Variants in PTPMT1 observed in about 807,000 individuals in gnomAD.
PTPMT1 encodes phosphatidylglycerophosphatase and protein-tyrosine phosphatase 1.
A neutral mutation model predicts 17.8 loss-of-function variants in PTPMT1; 12 were observed. That is an observed-to-expected ratio of 0.67 (90% CI 0.43 to 1.09). The LOEUF (loss-of-function observed/expected upper bound fraction) is 1.09. PTPMT1 is among the 50% of genes least tolerant of loss of function. The pLI is 0.00. For missense variants in PTPMT1, 262 were observed against 266.0 expected (o/e 0.99, Z 0.10); for synonymous variants, 132 against 116.8 (o/e 1.13, Z -0.84).
Position 47,565,607 on chromosome 11 carries a change from G to C in PTPMT1, c.-16G>C. The C allele has an allele frequency of 7.8e-7, 1 of 1,288,228 alleles. No individual in the cohort carries two copies. Among genetic ancestry groups the C allele is most frequent in the Non-Finnish European group, 9.8e-7 (1 of 1,020,394 alleles). The allele number at this position is 1,288,228 out of a possible 1,614,324, so 79.8% of individuals were successfully genotyped here. ...CGAGCGCGGGGGCCGACGGGTCGCCGCTGCGCCGGGCCGGGATGGCGGCCA... is the reference window on the plus strand; with the variant it reads ...CGAGCGCGGGGGCCGACGGGTCGCCCCTGCGCCGGGCCGGGATGGCGGCCA... On this transcript the variant is annotated 5_prime_UTR_variant, in exon 1 of 4. Coordinates refer to ENST00000326674, the MANE Select transcript of PTPMT1 (RefSeq NM_175732.3).
intron 3 of PTPMT1, among the ~76,000 whole-genome samples, chr11:47,570,894 A>G (rs1430113704): frequency 6.6e-6 from 1 of 152,170 alleles, no homozygotes; most frequent in Non-Finnish European, 1.5e-5. Context: ...AATTTTGGTC[A>G]TAAGGGCTCT....
chr11:47,570,656 T>G (rs1334966724), intron 3 of PTPMT1, among the ~76,000 whole-genome samples: 1 of 152,206 alleles, frequency 6.6e-6, no homozygotes, highest in Non-Finnish European at 1.5e-5. Flanking sequence ...GGATATTAGT[T>G]TCTGGAAACA....
chr11:47,565,811 G>A lies in PTPMT1; in HGVS notation c.174+15G>A, dbSNP rs1376290074. On this transcript the variant is annotated intron_variant, in intron 1 of 3. Coordinates refer to ENST00000326674, the MANE Select transcript of PTPMT1 (RefSeq NM_175732.3). ...TGACGCGCCAGGTGAGCCGGGCCGG[G>A]GAGCCCGGGCCCCTGCCCCGTCCCC... 3 of 1,586,300 alleles carry A rather than the reference G, an allele frequency of 1.9e-6. No homozygotes were observed. The highest frequency in any genetic ancestry group is 2.6e-6 in the Non-Finnish European group (3 of 1,167,422).
intron 3 of PTPMT1, among the ~76,000 whole-genome samples, chr11:47,570,444 T>C (rs960434878): frequency 1.3e-5 from 2 of 152,232 alleles, no homozygotes; most frequent in Non-Finnish European, 2.9e-5. Context: ...AAATGTATTA[T>C]GAAGTTTAAA....
chr11:47,570,132 G>A (rs1243947086), intron 3 of PTPMT1, among the ~76,000 whole-genome samples: 1 of 148,472 alleles, frequency 6.7e-6, no homozygotes. Context: ...AGGCTGCAGT[G>A]AGCCGTGATT....
At chr11:47,566,094 C>A in intron 2 of PTPMT1, 108 bp downstream of exon 2, 1 of 1,263,680 alleles carries the variant, frequency 7.9e-7, no homozygotes, top group Non-Finnish European at 1.1e-6. Flanking sequence ...TGCACCGGAG[C>A]CAGGTGTCTC....
chr11:47,568,703 A>T (rs2097247743), intron 2 of PTPMT1, among the ~76,000 whole-genome samples: 1 of 151,908 alleles, frequency 6.6e-6, no homozygotes, highest in African/African-American at 2.4e-5. Context: ...ATATATATAT[A>T]TTTTTGAGAT....
intron 2 of PTPMT1, among the ~76,000 whole-genome samples, chr11:47,567,982 C>G (rs1033128336): frequency 1.3e-5 from 2 of 151,964 alleles, no homozygotes; most frequent in African/African-American, 4.8e-5. Context: ...TGCAGTGGCA[C>G]GATCTCGGCT....
At chr11:47,569,484 C>A (rs748254837) in intron 2 of PTPMT1, among the ~76,000 whole-genome samples, 9 of 151,958 alleles carry the variant, frequency 5.9e-5, no homozygotes, top group African/African-American at 9.7e-5. Flanking sequence ...ACCATGTAGG[C>A]CAGCCATTTT....
At position 47,569,693 on chromosome 11, in the gene PTPMT1, G is replaced by T. The variant is rs374981446; in HGVS notation, c.256-7G>T. ...TCTCTTTTTCATACTGGTGGACCTG[G>T]TTCCAGGAGTGGAAGAGACTAGGAG... On this transcript the variant is annotated splice_polypyrimidine_tract_variant and splice_region_variant and intron_variant, in intron 2 of 3. Transcript: ENST00000326674. The T allele has an allele frequency of 4.7e-5, 75 of 1,599,086 alleles. No individual in the cohort carries two copies. The East Asian group carries it at 8.3e-4, about 18-fold the overall frequency.
At chr11:47,568,575 G>T (rs924446312) in intron 2 of PTPMT1, among the ~76,000 whole-genome samples, 1 of 152,100 alleles carries the variant, frequency 6.6e-6, no homozygotes, top group African/African-American at 2.4e-5. Flanking sequence ...ACAGCTACTT[G>T]GGAGGCTGAG....
rs2097242348 is a variant in PTPMT1 at position 47,565,632 on chromosome 11, A to T, written c.10A>T (p.Thr4Ser). 1.3e-5 allele frequency: 17 copies of T among 1,315,072 alleles called. No homozygotes were observed. In the South Asian group the frequency reaches 3.5e-4, roughly 27 times the overall value. The allele number at this position is 1,315,072 out of a possible 1,614,324, so 81.5% of individuals were successfully genotyped here. Residue 4 changes from threonine (T) to serine (S), a missense_variant, in exon 1 of 4, where the codon ACC becomes TCC. By Grantham distance (58) the Thr-to-Ser change is moderately conservative. Transcript: ENST00000326674. Reference protein sequence around the residue: MAATALLEAGLARV... With the variant: MAASALLEAGLARV... ...GCTGCGCCGGGCCGGGATGGCGGCC[A>T]CCGCGCTGCTGGAGGCCGGCCTGGC...
rs192148855 is a variant in PTPMT1, at chr11:47,569,215, G to A, written c.256-485G>A. Among the ~76,000 whole-genome samples, 22 of 151,300 alleles carry A rather than the reference G, an allele frequency of 1.5e-4. No individual in the cohort carries two copies. In the East Asian group the frequency reaches 3.6e-3, roughly 24 times the overall value. ...AGCCTGGCCAACATGATGAAACCCC[G>A]TCTCTACTAAAAATGCAAAAATTAG... On this transcript the variant is annotated intron_variant, in intron 2 of 3. Coordinates refer to ENST00000326674, the MANE Select transcript of PTPMT1 (RefSeq NM_175732.3).
rs2097251290 is a variant in PTPMT1 at position 47,572,683 on chromosome 11, G to C, written c.*1054G>C. ...AAAGGCTTGCTCTAAGCAAGCTGTG[G>C]TGAGGCACAGGATGACTAGGGAATG... On this transcript the variant is annotated 3_prime_UTR_variant, in exon 4 of 4. Transcript: ENST00000326674. 1.9e-6 allele frequency: 1 copy of C among 537,914 alleles called. No homozygotes were observed. The highest frequency in any genetic ancestry group is 1.9e-5 in the African/African-American group (1 of 52,984). The allele number at this position is 537,914 out of a possible 1,614,324, so 33.3% of individuals were successfully genotyped here.
rs1425319972 is a variant in PTPMT1 at position 47,572,499 on chromosome 11, C to CT, written c.*872dup. On this transcript the variant is annotated 3_prime_UTR_variant, in exon 4 of 4. Transcript: ENST00000326674. ...CCTAAGTAAAGCCTGAAGGAAAACT[C>CT]TTAACACCTAATTCTTTGTGGAAAA... 5.9e-6 allele frequency: 1 copy of CT among 168,512 alleles called. No homozygotes were observed. The highest frequency in any genetic ancestry group is 1.3e-5 in the Non-Finnish European group (1 of 77,538). 10.4% of individuals were successfully genotyped at this position (168,512 alleles called of 1,614,324 possible). A position where few individuals can be genotyped will look rare whatever the true frequency, so the allele number is the denominator to read the frequency against.
At chr11:47,568,877 G>C (rs2097247871) in intron 2 of PTPMT1, among the ~76,000 whole-genome samples, 1 of 151,850 alleles carries the variant, frequency 6.6e-6, no homozygotes, top group Non-Finnish European at 1.5e-5. Flanking sequence ...TTTTAGTAGA[G>C]ACAGGGTTTC....
chr11:47,566,721 C>T (rs2097245073), intron 2 of PTPMT1, among the ~76,000 whole-genome samples: 1 of 152,260 alleles, frequency 6.6e-6, no homozygotes, highest in East Asian at 1.9e-4. Context: ...AGACGAAAAG[C>T]ACCCCCTTAA....
chr11:47,569,233 A>G (rs534668821), intron 2 of PTPMT1, among the ~76,000 whole-genome samples: 13 of 151,656 alleles, frequency 8.6e-5, no homozygotes, highest in African/African-American at 3.1e-4. Context: ...TAAAAATGCA[A>G]AAATTAGCCA....
In PTPMT1 at chr11:47,573,319, G is replaced by A; in HGVS notation, c.*1690G>A. ...CGGGAAGGTTTGGTAAAGAAGTCCA[G>A]ATCATTCTCCTCCCCCCCTAGTAAG... On this transcript the variant is annotated 3_prime_UTR_variant, in exon 4 of 4. Coordinates refer to ENST00000326674, the MANE Select transcript of PTPMT1 (RefSeq NM_175732.3). The surrounding 1 kb of genome is among the most constrained non-coding windows in gnomAD (Gnocchi z 4.1). The A allele has an allele frequency of 1.2e-6, 2 of 1,614,176 alleles. No individual in the cohort carries two copies. Among genetic ancestry groups the A allele is most frequent in the Non-Finnish European group, 1.7e-6 (2 of 1,180,042 alleles).
Sources: allele counts gnomAD v4.1 joint callset (sites outside exome capture counted in the v4.1 genomes callset), GRCh38; gene constraint gnomAD v4.1.1; non-coding constraint Gnocchi (gnomAD v3.1); transcripts MANE v1.5; gene names NCBI Gene and HGNC (gene_info 2026-07-23, HGNC 2026-07-21).